NPAS3: variants seen among roughly 807,000 people sequenced by gnomAD.
The protein encoded by NPAS3 is neuronal PAS domain-containing protein 3.
Under a neutral mutation model 73.1 loss-of-function variants are expected in NPAS3, and 14 were observed. The ratio of observed to expected loss-of-function variants is 0.19; its 90% CI spans 0.13 to 0.30. The LOEUF (loss-of-function observed/expected upper bound fraction) is 0.30. Among genes scored for constraint, NPAS3 ranks in the 10% least tolerant of loss-of-function variants. NPAS3 has a pLI of 1.00. For missense variants in NPAS3, 1,096 were observed against 1,250.0 expected (o/e 0.88, Z 1.86); for synonymous variants, 620 against 541.5 (o/e 1.14, Z -2.01).
intron 6 of NPAS3, among the ~76,000 whole-genome samples, chr14:33,676,714 C>G (rs1312107382): frequency 6.6e-6 from 1 of 152,104 alleles, no homozygotes; most frequent in Non-Finnish European, 1.5e-5. Flanking sequence ...AAATGTAATG[C>G]GTTTATTTAT....
At chr14:33,197,454 C>G (rs1448238422) in intron 2 of NPAS3, among the ~76,000 whole-genome samples, 1 of 152,042 alleles carries the variant, frequency 6.6e-6, no homozygotes, top group Non-Finnish European at 1.5e-5. Flanking sequence ...TGGCAGTCCC[C>G]TTCACCTAAG....
At chr14:33,433,546 G>A (rs760095036) in intron 4 of NPAS3, among the ~76,000 whole-genome samples, 1 of 152,198 alleles carries the variant, frequency 6.6e-6, no homozygotes, top group Non-Finnish European at 1.5e-5. Flanking sequence ...TGGGCTGCTG[G>A]AATGTTCTCC....
intron 4 of NPAS3, among the ~76,000 whole-genome samples, chr14:33,477,094 T>A (rs530054206): frequency 1.3e-5 from 2 of 152,300 alleles, no homozygotes; most frequent in African/African-American, 4.8e-5. Flanking sequence ...TGTACACACA[T>A]GCAATGATAA....
rs563959521 is a variant in NPAS3 at position 33,468,677 on chromosome 14, AG to A, written c.469-91443del. Among the ~76,000 whole-genome samples the A allele has an allele frequency of 6.0e-3, 920 of 152,336 alleles. 6 individuals are homozygous for A. Among genetic ancestry groups the A allele is most frequent in the Non-Finnish European group, 8.4e-3 (574 of 68,034 alleles). ...AGCATTTTCACAAAGTATTGTTAAAAGTACAAGGTCTTGCCTTATTACAAGA... is the reference window on the plus strand; with the variant it reads ...AGCATTTTCACAAAGTATTGTTAAAATACAAGGTCTTGCCTTATTACAAGA... On this transcript the variant is annotated intron_variant, in intron 4 of 11. Coordinates refer to ENST00000356141, the Ensembl canonical transcript of NPAS3.
intron 5 of NPAS3, among the ~76,000 whole-genome samples, chr14:33,634,555 A>G (rs954126404): frequency 1.3e-5 from 2 of 152,260 alleles, no homozygotes; most frequent in African/African-American, 4.8e-5. Flanking sequence ...AGATGTGGAC[A>G]GTAACAGAGA....
intron 3 of NPAS3, among the ~76,000 whole-genome samples, chr14:33,335,039 T>TGA (rs142673312): frequency 5.6e-5 from 8 of 143,586 alleles, no homozygotes; most frequent in African/African-American, 2.2e-4. Context: ...ATTGTGTGTG[T>TGA]GTGCGTGTGT....
In NPAS3 at chr14:33,154,157, T is replaced by G. The variant is rs76962146; in HGVS notation, c.141-61025T>G. 2.9e-3 allele frequency among the ~76,000 whole-genome samples: 439 copies of G among 152,300 alleles called. 13 individuals carry two copies. The East Asian group carries it at 0.066, about 23-fold the overall frequency. On this transcript the variant is annotated intron_variant, in intron 2 of 11. Transcript: ENST00000356141. ...TCCTAATTTGGATTACCATTTTGGC[T>G]CCTGGAGCCTGGGCAGTTAGCTGCC...
In NPAS3 at chr14:33,601,627, A is replaced by C. The variant is rs147321433; in HGVS notation, c.558+41417A>C. On this transcript the variant is annotated intron_variant, in intron 5 of 11. Transcript: ENST00000356141. ...TCACATTGGTTAAGTGACTTAAGGCAGATACAGGTATAATCTTGGGAACTA... is the reference window on the plus strand; with the variant it reads ...TCACATTGGTTAAGTGACTTAAGGCCGATACAGGTATAATCTTGGGAACTA... 7.3e-3 allele frequency among the ~76,000 whole-genome samples: 1,112 copies of C among 152,358 alleles called. 15 individuals are homozygous for C. The highest frequency in any genetic ancestry group is 0.025 in the African/African-American group (1,053 of 41,588).
chr14:33,271,571 T>C (rs575312355), intron 3 of NPAS3, among the ~76,000 whole-genome samples: 27 of 152,210 alleles, frequency 1.8e-4, no homozygotes, highest in Admixed American at 1.0e-3. Context: ...GCCTTGTAGA[T>C]AACATGCTTA....
chr14:33,325,999 C>T (rs2043687788), intron 3 of NPAS3, among the ~76,000 whole-genome samples: 1 of 152,120 alleles, frequency 6.6e-6, no homozygotes, highest in Non-Finnish European at 1.5e-5. Flanking sequence ...ATGGAAACTT[C>T]TGTTTTATTT....
At chr14:33,576,236 G>A (rs765472247) in intron 5 of NPAS3, among the ~76,000 whole-genome samples, 4 of 152,102 alleles carry the variant, frequency 2.6e-5, no homozygotes, top group East Asian at 1.9e-4. Context: ...ATATGAACTC[G>A]TAGAGCTGAT....
chr14:33,442,066 T>C (rs1259439421), intron 4 of NPAS3, among the ~76,000 whole-genome samples: 4 of 152,216 alleles, frequency 2.6e-5, no homozygotes, highest in Non-Finnish European at 4.4e-5. Flanking sequence ...TATGACATAG[T>C]TTGCAGATTT....
intron 3 of NPAS3, among the ~76,000 whole-genome samples, chr14:33,326,739 A>G (rs892633895): frequency 3.3e-5 from 5 of 152,230 alleles, no homozygotes; most frequent in Non-Finnish European, 7.3e-5. Flanking sequence ...AATGGGAAAT[A>G]TGATCTCTTG....
chr14:33,013,230 T>C (rs1487867710), intron 1 of NPAS3, among the ~76,000 whole-genome samples: 1 of 152,216 alleles, frequency 6.6e-6, no homozygotes, highest in Non-Finnish European at 1.5e-5. Context: ...CATAAATACA[T>C]GGATCTCTTT....
At chr14:32,993,898 T>C (rs1173469363) in intron 1 of NPAS3, among the ~76,000 whole-genome samples, 1 of 152,212 alleles carries the variant, frequency 6.6e-6, no homozygotes, top group Non-Finnish European at 1.5e-5. Context: ...TCTTTCCAGG[T>C]CTTTTTGGCA....
At chr14:32,997,159 G>A (rs2038611628) in intron 1 of NPAS3, among the ~76,000 whole-genome samples, 1 of 152,192 alleles carries the variant, frequency 6.6e-6, no homozygotes, top group Non-Finnish European at 1.5e-5. Context: ...GGGGCCTGTA[G>A]CCCCTTTGTT....
At chr14:33,014,891 G>A (rs531850073) in intron 1 of NPAS3, among the ~76,000 whole-genome samples, 92 of 152,290 alleles carry the variant, frequency 6.0e-4, no homozygotes, top group African/African-American at 2.1e-3. Context: ...GCATGAGGCC[G>A]GGCCTTCGGA....
At chr14:33,341,522 AGAGAGG>A (rs1374562999) in intron 3 of NPAS3, among the ~76,000 whole-genome samples, 1 of 152,184 alleles carries the variant, frequency 6.6e-6, no homozygotes. Flanking sequence ...TGTAAATTAC[AGAGAGG>A]GAGAGGGAGA....
intron 4 of NPAS3, among the ~76,000 whole-genome samples, chr14:33,393,009 C>T (rs981231422): frequency 7.8e-4 from 118 of 152,144 alleles, no homozygotes; most frequent in African/African-American, 2.8e-3. Flanking sequence ...CCCCATGACC[C>T]TCTTTTGTGA....
Sources: gnomAD v4.1 joint callset for allele counts (sites outside exome capture counted in the v4.1 genomes callset) on GRCh38, gnomAD v4.1.1 for gene constraint, MANE v1.5 for transcripts, NCBI Gene and HGNC (gene_info 2026-07-23, HGNC 2026-07-21) for gene names.